The following RASGEF1C variants were observed in gnomAD, a reference collection of about 807,000 sequenced individuals.
The protein encoded by RASGEF1C is ras-GEF domain-containing family member 1C.
Under a neutral mutation model 58.1 loss-of-function variants are expected in RASGEF1C, and 27 were observed. That is an observed-to-expected ratio of 0.46 (90% confidence interval 0.34 to 0.64). RASGEF1C has a LOEUF of 0.64. RASGEF1C is among the 30% of genes least tolerant of loss of function. The pLI is 0.01. For synonymous variants in RASGEF1C, 243 were observed against 246.3 expected (o/e 0.99, Z 0.13); for missense variants, 502 against 605.1 (o/e 0.83, Z 1.79).
chr5:180,138,698 C>T (rs1365789679), intron 1 of RASGEF1C, among the ~76,000 whole-genome samples: 2 of 152,152 alleles, frequency 1.3e-5, no homozygotes, highest in African/African-American at 4.8e-5. Context: ...TCCTCCTTAA[C>T]CTGGCATTCT....
intron 1 of RASGEF1C, among the ~76,000 whole-genome samples, chr5:180,149,088 C>CTTTTTTTTTTTTTTTTTTTTTTTTT (rs61204210): frequency 9.1e-6 from 1 of 110,174 alleles, no homozygotes; most frequent in African/African-American, 3.4e-5. Context: ...CTTTTTTTTT[C>CTTTTTTTTTTTTTTTTTTTTTTTTT]TTTTTTTTTT....
At chr5:180,141,205 C>T (rs1766574273) in intron 1 of RASGEF1C, among the ~76,000 whole-genome samples, 1 of 152,214 alleles carries the variant, frequency 6.6e-6, no homozygotes, top group Admixed American at 6.5e-5. Flanking sequence ...TTTTGAGGAC[C>T]TTTCCATGGC....
chr5:180,163,876 T>A (rs1160523454), intron 1 of RASGEF1C, among the ~76,000 whole-genome samples: 1 of 152,204 alleles, frequency 6.6e-6, no homozygotes, highest in Non-Finnish European at 1.5e-5. Context: ...AGATTTCTTT[T>A]TCTAAGATTT....
At chr5:180,142,946 G>T (rs1766604629) in intron 1 of RASGEF1C, among the ~76,000 whole-genome samples, 1 of 152,096 alleles carries the variant, frequency 6.6e-6, no homozygotes, top group Non-Finnish European at 1.5e-5. Context: ...GAAATGCCTG[G>T]CTCTGGCACA....
chr5:180,200,193 G>A (rs562187835), intron 1 of RASGEF1C, among the ~76,000 whole-genome samples: 1 of 152,112 alleles, frequency 6.6e-6, no homozygotes, highest in African/African-American at 2.4e-5. Context: ...CGGGACCTGG[G>A]AGGCGGAGGT....
At chr5:180,109,183 G>A (rs12519653) in intron 12 of RASGEF1C, among the ~76,000 whole-genome samples, 46,426 of 152,032 alleles carry the variant, frequency 0.31, 7,317 homozygotes, top group East Asian at 0.47. Context: ...AGGGCCAGGC[G>A]TGGTGGCTCA....
At chr5:180,104,729 T>C (rs1179774261) in intron 12 of RASGEF1C, among the ~76,000 whole-genome samples, 1 of 152,188 alleles carries the variant, frequency 6.6e-6, no homozygotes, top group Non-Finnish European at 1.5e-5. Flanking sequence ...TTTTTGGGAG[T>C]TTTAAAATTA....
chr5:180,113,837 C>A (rs533140806), intron 11 of RASGEF1C, among the ~76,000 whole-genome samples: 1 of 149,320 alleles, frequency 6.7e-6, no homozygotes, highest in Non-Finnish European at 1.5e-5. Context: ...GATGGAGGGA[C>A]CGAGGATGGA....
rs67020657 is a variant in RASGEF1C, at chr5:180,110,392, C to CTTTTT, written c.1303+1060_1303+1064dup. ...CAAAATCATTAAAAGATCCTTCTCC[C>CTTTTT]TTTTTTTTTTTTTTTTTGGAGAAAG... On this transcript the variant is annotated intron_variant, in intron 12 of 13. Coordinates refer to ENST00000361132, the MANE Select transcript of RASGEF1C (RefSeq NM_175062.4). 3.2e-3 allele frequency among the ~76,000 whole-genome samples: 429 copies of CTTTTT among 132,198 alleles called. 9 individuals are homozygous for CTTTTT. Among genetic ancestry groups the CTTTTT allele is most frequent in the African/African-American group, 9.0e-3 (315 of 35,176 alleles). The allele number at this position is 132,198 out of a possible 152,430, so 86.7% of individuals were successfully genotyped here.
At chr5:180,195,499 G>A (rs949576169) in intron 1 of RASGEF1C, among the ~76,000 whole-genome samples, 5 of 152,154 alleles carry the variant, frequency 3.3e-5, no homozygotes, top group Admixed American at 6.5e-5. Context: ...GGTGGCTCAC[G>A]CCTGTAATCC....
rs533496479 is a variant in RASGEF1C at position 180,207,760 on chromosome 5, C to T, written c.-7+1268G>A. ...CCCTGTAGCGTCTCAGCTCCAGCTC[C>T]GCCCCCTCCTGCCCTCAGGGATCTC... On this transcript the variant is annotated intron_variant, in intron 1 of 13. Transcript: ENST00000361132. Among the ~76,000 whole-genome samples the T allele has an allele frequency of 1.2e-4, 18 of 152,286 alleles. No homozygotes were observed. In the South Asian group the frequency reaches 3.3e-3, roughly 28 times the overall value.
At chr5:180,201,133 A>G (rs1320203720) in intron 1 of RASGEF1C, among the ~76,000 whole-genome samples, 1 of 152,118 alleles carries the variant, frequency 6.6e-6, no homozygotes, top group Non-Finnish European at 1.5e-5. Context: ...CCCACCCTAC[A>G]TGGGGAAACA....
intron 1 of RASGEF1C, among the ~76,000 whole-genome samples, chr5:180,167,165 C>A (rs1315314480): frequency 6.6e-6 from 1 of 151,998 alleles, no homozygotes; most frequent in Non-Finnish European, 1.5e-5. Flanking sequence ...TTTTTCTGTG[C>A]CGCACTCTTT....
At chr5:180,190,317 C>T (rs1216631260) in intron 1 of RASGEF1C, among the ~76,000 whole-genome samples, 3 of 151,768 alleles carry the variant, frequency 2.0e-5, no homozygotes, top group Non-Finnish European at 4.4e-5. Flanking sequence ...GAAACCCCGT[C>T]TCTACTAAAA....
At chr5:180,116,758 C>T (rs1766075001) in intron 10 of RASGEF1C, among the ~76,000 whole-genome samples, 1 of 152,246 alleles carries the variant, frequency 6.6e-6, no homozygotes, top group Admixed American at 6.5e-5. Context: ...CGGCACCAAG[C>T]TCCTGTACAC....
At chr5:180,185,872 C>T (rs116039553) in intron 1 of RASGEF1C, among the ~76,000 whole-genome samples, 1,578 of 151,994 alleles carry the variant, frequency 0.01, 25 homozygotes, top group African/African-American at 0.035. Flanking sequence ...CTAAGGCAGG[C>T]ACATAACTTG....
intron 1 of RASGEF1C, among the ~76,000 whole-genome samples, chr5:180,195,305 C>G (rs563512816): frequency 1.3e-5 from 2 of 152,148 alleles, no homozygotes; most frequent in Non-Finnish European, 2.9e-5. Context: ...AGGGGCCTGA[C>G]TAACTCAGTG....
rs1430146192 is a variant in RASGEF1C, at chr5:180,118,605, C to T, written c.1083+4G>A. The stretch of plus-strand genomic sequence containing the variant: ...CCCCCTGGGCCAACGTGGCCCCGAC[C>T]TACCTTCTCTCGGCTGCTGTGGGCC... On this transcript the variant is annotated splice_donor_region_variant and intron_variant, in intron 10 of 13. Coordinates refer to ENST00000361132, the MANE Select transcript of RASGEF1C (RefSeq NM_175062.4). The T allele has an allele frequency of 1.2e-6, 2 of 1,605,050 alleles. No homozygotes were observed. Among genetic ancestry groups the T allele is most frequent in the African/African-American group, 2.7e-5 (2 of 74,764 alleles).
chr5:180,153,208 C>T (rs576641841), intron 1 of RASGEF1C, among the ~76,000 whole-genome samples: 7 of 152,302 alleles, frequency 4.6e-5, no homozygotes, highest in African/African-American at 1.7e-4. Context: ...ACAATGGGGG[C>T]CCACCTCTGT....
Sources: gnomAD v4.1 joint callset for allele counts (sites outside exome capture counted in the v4.1 genomes callset) on GRCh38, gnomAD v4.1.1 for gene constraint, MANE v1.5 for transcripts, NCBI Gene and HGNC (gene_info 2026-07-23, HGNC 2026-07-21) for gene names.